TTC17: variants seen among roughly 807,000 people sequenced by gnomAD.
TTC17 encodes the protein tetratricopeptide repeat protein 17.
In TTC17, 58 loss-of-function variants were observed where a neutral mutation model predicts 143.8. That is an observed-to-expected ratio of 0.40 (90% confidence interval 0.33 to 0.50). The LOEUF (loss-of-function observed/expected upper bound fraction) is 0.50. TTC17 is among the 20% of genes least tolerant of loss of function. The pLI, the probability that TTC17 is intolerant of heterozygous loss-of-function variation, is 0.49. For synonymous variants in TTC17, 501 were observed against 497.8 expected, an observed-to-expected ratio of 1.01 and a Z score of -0.09; for missense variants, 1,273 against 1,392.5, an observed-to-expected ratio of 0.91 and a Z score of 1.37.
At chr11:43,454,019 A>G (rs1030684658) in intron 21 of TTC17, among the ~76,000 whole-genome samples, 5 of 152,154 alleles carry the variant, frequency 3.3e-5, no homozygotes, top group Non-Finnish European at 5.9e-5. Context: ...CTGTATACCC[A>G]TTGCTTTCAC....
Position 43,406,053 on chromosome 11 carries a change from T to A in TTC17, c.1761+102T>A, listed in dbSNP as rs549805202. ...TTGATAGAAGGTAGCTGTTGAGCTTTAAGTGTATAAAATGGAAGGATAGAG... is the reference window on the plus strand; with the variant it reads ...TTGATAGAAGGTAGCTGTTGAGCTTAAAGTGTATAAAATGGAAGGATAGAG... On this transcript the variant is annotated intron_variant, in intron 13 of 23. Coordinates refer to ENST00000039989, the MANE Select transcript of TTC17 (RefSeq NM_018259.6). 5 of 1,324,714 alleles carry A rather than the reference T, an allele frequency of 3.8e-6. No homozygotes were observed. The Admixed American group carries it at 1.1e-4, about 29-fold the overall frequency. The allele number at this position is 1,324,714 out of a possible 1,614,324, so 82.1% of individuals were successfully genotyped here.
intron 21 of TTC17, among the ~76,000 whole-genome samples, chr11:43,453,283 T>C (rs1459265888): frequency 1.3e-5 from 2 of 152,088 alleles, no homozygotes; most frequent in African/African-American, 4.8e-5. Flanking sequence ...ATAAAATATA[T>C]TTTGTTAAAA....
At chr11:43,439,104 C>G (rs1327909172) in intron 16 of TTC17, among the ~76,000 whole-genome samples, 1 of 152,190 alleles carries the variant, frequency 6.6e-6, no homozygotes, top group Non-Finnish European at 1.5e-5. Flanking sequence ...GTCTTTGCTT[C>G]TCTTCAGTTA....
At chr11:43,407,600 AGTTCC>A in intron 15 of TTC17, 23 bp downstream of exon 15, 1 of 1,601,638 alleles carries the variant, frequency 6.2e-7, no homozygotes. Context: ...GGGATTTCAT[AGTTCC>A]GTATACTATG....
At chr11:43,383,622 C>T (rs1189570622) in intron 2 of TTC17, among the ~76,000 whole-genome samples, 1 of 151,996 alleles carries the variant, frequency 6.6e-6, no homozygotes, top group Non-Finnish European at 1.5e-5. Context: ...ACCTTGGCCT[C>T]CCACAGTGCT....
chr11:43,449,897 C>A, intron 19 of TTC17, 185 bp from the exon 20 acceptor site: 1 of 652,800 alleles, frequency 1.5e-6, no homozygotes, highest in Non-Finnish European at 2.5e-6. Flanking sequence ...TTTATCACCA[C>A]TTATATCTTG....
chr11:43,486,885 A>T (rs1948390876), intron 21 of TTC17, among the ~76,000 whole-genome samples: 1 of 151,884 alleles, frequency 6.6e-6, no homozygotes, highest in Admixed American at 6.6e-5. Context: ...AAAATTTAAA[A>T]ATTAGCCAAG....
chr11:43,415,067 G>A (rs910768147), intron 16 of TTC17, among the ~76,000 whole-genome samples: 3 of 152,070 alleles, frequency 2.0e-5, no homozygotes, highest in African/African-American at 4.8e-5. Flanking sequence ...AAAATCTCTG[G>A]TGTTTTATAA....
intron 6 of TTC17, 67 bp from the exon 7 acceptor site, chr11:43,397,280 C>T: frequency 6.5e-7 from 1 of 1,534,884 alleles, no homozygotes; most frequent in Admixed American, 1.8e-5. Flanking sequence ...GCACAAGTAA[C>T]TTTGAATGTC....
chr11:43,389,239 A>G (rs968020370), intron 2 of TTC17, among the ~76,000 whole-genome samples: 2 of 152,200 alleles, frequency 1.3e-5, no homozygotes, highest in Non-Finnish European at 2.9e-5. Flanking sequence ...TACATTTGAA[A>G]AAATAGATAT....
chr11:43,490,508 C>A, intron 22 of TTC17, 150 bp downstream of exon 22: 1 of 1,272,618 alleles, frequency 7.9e-7, no homozygotes, highest in Non-Finnish European at 1.0e-6. Context: ...TCTGACTGGG[C>A]TTGTGCCCCA....
chr11:43,384,911 G>GA (rs1196149982), intron 2 of TTC17, among the ~76,000 whole-genome samples: 4 of 152,162 alleles, frequency 2.6e-5, no homozygotes, highest in Non-Finnish European at 5.9e-5. Flanking sequence ...CAATGGTAAA[G>GA]AACAGTGGGC....
chr11:43,379,348 CAGCTGATGCTTGTTGCATTTCACAGG>C, intron 2 of TTC17, 26 bp downstream of exon 2: 5 of 1,576,670 alleles, frequency 3.2e-6, no homozygotes, highest in Non-Finnish European at 4.3e-6. Flanking sequence ...ATGTGAGATG[CAGCTGATGCTTGTTGCATTTCACAGG>C]AGCCATTGTG....
intron 18 of TTC17, among the ~76,000 whole-genome samples, chr11:43,447,190 TAAAAAA>T (rs1175212814): frequency 2.0e-5 from 3 of 151,562 alleles, no homozygotes; most frequent in Non-Finnish European, 4.4e-5. Flanking sequence ...GTCTCTAACT[TAAAAAA>T]AGAAAAATGG....
intron 16 of TTC17, among the ~76,000 whole-genome samples, chr11:43,423,362 T>C (rs1946952682): frequency 7.0e-6 from 1 of 142,216 alleles, no homozygotes; most frequent in African/African-American, 2.7e-5. Flanking sequence ...GTGATAGACA[T>C]GTTCATTTGG....
At chr11:43,379,210 A>T in intron 1 of TTC17, 23 bp from the exon 2 acceptor site, 6 of 1,602,722 alleles carry the variant, frequency 3.7e-6, no homozygotes, top group Non-Finnish European at 5.1e-6. Context: ...TCCGAGCTTT[A>T]TTTATTTATT....
chr11:43,476,782 C>T (rs1435110003), intron 21 of TTC17, among the ~76,000 whole-genome samples: 1 of 152,126 alleles, frequency 6.6e-6, no homozygotes, highest in Non-Finnish European at 1.5e-5. Context: ...GAGGGGCTGC[C>T]GTGAAGTTCT....
intron 21 of TTC17, among the ~76,000 whole-genome samples, chr11:43,463,823 C>T (rs1448708151): frequency 6.6e-6 from 1 of 152,064 alleles, no homozygotes; most frequent in Non-Finnish European, 1.5e-5. Context: ...ATACATGAAG[C>T]CTTTAATTAA....
chr11:43,407,293 A>G, intron 14 of TTC17, 60 bp from the exon 15 acceptor site: 2 of 1,577,248 alleles, frequency 1.3e-6, no homozygotes, highest in African/African-American at 1.4e-5. Flanking sequence ...CTTATTAAAA[A>G]TCTTATTTAG....
Sources: gnomAD v4.1 joint callset for allele counts (sites outside exome capture counted in the v4.1 genomes callset) on GRCh38, gnomAD v4.1.1 for gene constraint, MANE v1.5 for transcripts, NCBI Gene and HGNC (gene_info 2026-07-23, HGNC 2026-07-21) for gene names.